The following ZDHHC11 variants were observed in gnomAD, a reference collection of about 807,000 sequenced individuals.
ZDHHC11 encodes the protein palmitoyltransferase ZDHHC11.
Under a neutral mutation model 51.3 loss-of-function variants are expected in ZDHHC11, and 44 were observed. The observed-to-expected ratio is 0.86, with a 90% CI of 0.67 to 1.10. The LOEUF (loss-of-function observed/expected upper bound fraction) is 1.10. ZDHHC11 is among the 50% of genes least tolerant of loss of function. The pLI is 0.00. For synonymous variants in ZDHHC11, 163 were observed against 222.0 expected (o/e 0.73, Z 2.36); for missense variants, 400 against 537.7 (o/e 0.74, Z 2.53).
chr5:805,164 T>G (rs1410252569), intron 11 of ZDHHC11, among the ~76,000 whole-genome samples: 2 of 151,652 alleles, frequency 1.3e-5, no homozygotes, highest in East Asian at 3.9e-4. Context: ...TGGGGCTGAC[T>G]GTAGTGGCTT....
chr5:814,357 C>T (rs1740481306), intron 11 of ZDHHC11, among the ~76,000 whole-genome samples: 1 of 151,112 alleles, frequency 6.6e-6, no homozygotes, highest in South Asian at 2.1e-4. Flanking sequence ...AAGTGGTGTG[C>T]AGTTGGGCTG....
chr5:802,487 T>C (rs538702091), intron 11 of ZDHHC11, among the ~76,000 whole-genome samples: 4 of 145,450 alleles, frequency 2.8e-5, no homozygotes, highest in African/African-American at 1.1e-4. Flanking sequence ...ATGTAGATAA[T>C]TGTGTTGTAA....
upstream of ZDHHC11, among the ~76,000 whole-genome samples, chr5:854,099 C>G (rs1296094146): frequency 6.7e-6 from 1 of 148,576 alleles, no homozygotes. Flanking sequence ...GGGGCACAGA[C>G]CCCACGGAGG....
At chr5:843,945 TGCAGGGCAG>T (rs1745613327) in intron 3 of ZDHHC11, among the ~76,000 whole-genome samples, 1 of 74,330 alleles carries the variant, frequency 1.3e-5, no homozygotes, top group Non-Finnish European at 2.1e-5. Context: ...GGCGGGGGCA[TGCAGGGCAG>T]GTGGGGGGTG....
intron 6 of ZDHHC11, among the ~76,000 whole-genome samples, chr5:834,705 T>C (rs1215215951): frequency 1.3e-5 from 2 of 152,296 alleles, no homozygotes; most frequent in African/African-American, 4.8e-5. Context: ...TGAGGGTTTG[T>C]GGTGACCCTG....
At chr5:806,286 T>C (rs1453148935) in intron 11 of ZDHHC11, among the ~76,000 whole-genome samples, 1 of 151,090 alleles carries the variant, frequency 6.6e-6, no homozygotes, top group African/African-American at 2.4e-5. Context: ...AGAAGCTTTT[T>C]ATGCCAGTGG....
intron 5 of ZDHHC11, among the ~76,000 whole-genome samples, chr5:838,185 T>C (rs187802589): frequency 4.6e-5 from 7 of 151,204 alleles, no homozygotes; most frequent in Middle Eastern, 3.4e-3. Flanking sequence ...CTCAGCAGGC[T>C]GGCCAGAGCC....
At position 837,309 on chromosome 5, in the gene ZDHHC11, G is replaced by C. The variant is rs1744014402; in HGVS notation, c.900+56C>G. The C allele has an allele frequency of 1.2e-5, 20 of 1,600,842 alleles. No homozygotes were observed. The South Asian group carries it at 2.1e-4, about 17-fold the overall frequency. The stretch of plus-strand genomic sequence containing the variant: ...ATGGCTGAGAGGTCCCAACCACCGA[G>C]TGACCTTAGACATTGTCCCAGGCCT... On this transcript the variant is annotated intron_variant, in intron 6 of 12. Transcript: ENST00000283441.
intron 1 of ZDHHC11, among the ~76,000 whole-genome samples, chr5:849,965 G>A (rs1746897458): frequency 6.6e-6 from 1 of 151,856 alleles, no homozygotes; most frequent in South Asian, 2.1e-4. Context: ...CTCGCAGTGT[G>A]GCCTAAGCTT....
In ZDHHC11 at chr5:842,056, C is replaced by G. The variant is rs1380506408; in HGVS notation, c.629-1406G>C. 1.1e-5 allele frequency: 11 copies of G among 986,510 alleles called. No individual in the cohort carries two copies. In the African/African-American group the frequency reaches 1.9e-4, roughly 17 times the overall value. The allele number at this position is 986,510 out of a possible 1,614,324, so 61.1% of individuals were successfully genotyped here. On this transcript the variant is annotated intron_variant, in intron 4 of 12. Transcript: ENST00000283441. ...CATGAGAAGAAGGAGCAGCTTTGCT[C>G]AGGGCCTTGCTGGTTTTGAAGCCCT... is the stretch of plus-strand genomic sequence containing the variant.
chr5:848,790 C>G, intron 1 of ZDHHC11, 130 bp from the exon 2 acceptor site: 1 of 1,335,364 alleles, frequency 7.5e-7, no homozygotes, highest in Non-Finnish European at 1.0e-6. Flanking sequence ...CACACGTGAG[C>G]CCAGCTCACC....
upstream of ZDHHC11, among the ~76,000 whole-genome samples, chr5:852,200 G>A (rs911829954): frequency 1.9e-4 from 29 of 152,282 alleles, no homozygotes; most frequent in African/African-American, 6.3e-4. Flanking sequence ...AAATGATGTC[G>A]CCAAGTCACA....
intron 3 of ZDHHC11, among the ~76,000 whole-genome samples, chr5:847,222 C>T (rs1301183974): frequency 6.6e-6 from 1 of 151,712 alleles, no homozygotes. Context: ...CAGCCCAGCC[C>T]AGGACAGCGT....
chr5:844,881 G>C (rs1265313936), intron 3 of ZDHHC11, among the ~76,000 whole-genome samples: 1 of 152,302 alleles, frequency 6.6e-6, no homozygotes, highest in African/African-American at 2.4e-5. Context: ...ACCAATTCTG[G>C]GCAGCAGTTC....
rs1158703986 is a variant in ZDHHC11, at chr5:816,023, C to T, written c.1147-1228G>A. Among the ~76,000 whole-genome samples the T allele has an allele frequency of 1.3e-5, 2 of 151,446 alleles. 1 individual carries two copies. The highest frequency in any genetic ancestry group is 4.8e-5 in the African/African-American group (2 of 41,292). On this transcript the variant is annotated intron_variant, in intron 10 of 12. Transcript: ENST00000283441. Reference sequence around the variant, plus strand: ...ATGATGTTGAGCAGCTTTTCATGTGCTTTGTCGTTCATATTATTGCCTTGT... The same window carrying T: ...ATGATGTTGAGCAGCTTTTCATGTGTTTTGTCGTTCATATTATTGCCTTGT...
At chr5:812,669 T>C (rs1272938317) in intron 11 of ZDHHC11, among the ~76,000 whole-genome samples, 3 of 151,458 alleles carry the variant, frequency 2.0e-5, no homozygotes, top group African/African-American at 7.3e-5. Context: ...CAAATGCCCT[T>C]TGACTTTTAA....
In ZDHHC11 at chr5:840,566, A is replaced by T. The variant is rs140332723; in HGVS notation, c.713T>A (p.Met238Lys). 1.1e-4 allele frequency: 184 copies of T among 1,613,870 alleles called. No individual in the cohort carries two copies. The highest frequency in any genetic ancestry group is 1.3e-4 in the Non-Finnish European group (151 of 1,179,844). The change falls in exon 5 of 13, where the codon ATG (methionine) becomes AAG (lysine). Residue 238 changes from methionine (M) to lysine (K), a missense_variant. By Grantham distance (95) the Met-to-Lys change is moderately conservative. Transcript: ENST00000283441. ...VQTLIVVIIGMLVLLLDFLGL... is the reference protein window; with the variant it reads ...VQTLIVVIIGKLVLLLDFLGL... ...AAGAAAGTCCAGCAGGAGCACGAGC[A>T]TCCCGATGATCACGACTATCAGGGT...
chr5:846,528 G>C (rs1746194230), intron 3 of ZDHHC11, among the ~76,000 whole-genome samples: 1 of 146,152 alleles, frequency 6.8e-6, no homozygotes, highest in African/African-American at 2.6e-5. Flanking sequence ...CCTCCACCGT[G>C]CTCAGGGGAA....
intron 7 of ZDHHC11, among the ~76,000 whole-genome samples, chr5:825,530 A>T (rs1313036066): frequency 1.3e-5 from 2 of 152,148 alleles, no homozygotes; most frequent in East Asian, 3.8e-4. Context: ...GCCCTACACC[A>T]GTGCCTAAGA....
Sources: allele counts gnomAD v4.1 joint callset (sites outside exome capture counted in the v4.1 genomes callset), GRCh38; gene constraint gnomAD v4.1.1; transcripts MANE v1.5; gene names NCBI Gene and HGNC (gene_info 2026-07-23, HGNC 2026-07-21).